ARHGAP18: variants seen among roughly 807,000 people sequenced by gnomAD.
The protein encoded by ARHGAP18 is Rho GTPase activating protein 18.
ARHGAP18 carries 67 observed loss-of-function variants against 86.2 expected under a neutral mutation model. The ratio of observed to expected loss-of-function variants is 0.78; its 90% CI spans 0.64 to 0.95. ARHGAP18 has a LOEUF of 0.95. Ranked by LOEUF, ARHGAP18 falls within the 40% of genes least tolerant of loss-of-function variation. The pLI is 0.00. For missense variants in ARHGAP18, 691 were observed against 780.4 expected, an observed-to-expected ratio of 0.89 and a Z score of 1.37; for synonymous variants, 283 against 280.4, an observed-to-expected ratio of 1.01 and a Z score of -0.09.
At chr6:129,645,503 C>G (rs1773559866) in intron 1 of ARHGAP18, among the ~76,000 whole-genome samples, 1 of 152,158 alleles carries the variant, frequency 6.6e-6, no homozygotes, top group Non-Finnish European at 1.5e-5. Flanking sequence ...CAGGCAACTA[C>G]CAGTGACCCC....
chr6:129,608,160 TAGACA>T (rs1431824075), intron 8 of ARHGAP18, 108 bp from the exon 9 acceptor site: 7 of 1,304,228 alleles, frequency 5.4e-6, no homozygotes, highest in African/African-American at 4.5e-5. Flanking sequence ...CTCTGCTCTT[TAGACA>T]AGACAAATCA....
intron 10 of ARHGAP18, among the ~76,000 whole-genome samples, chr6:129,605,370 T>C (rs1451739207): frequency 1.3e-5 from 2 of 152,184 alleles, no homozygotes; most frequent in Non-Finnish European, 2.9e-5. Context: ...TTGTTTGAGT[T>C]GGTCTATCTT....
chr6:129,707,089 C>G (rs1481022662), intron 1 of ARHGAP18, among the ~76,000 whole-genome samples: 1 of 151,376 alleles, frequency 6.6e-6, no homozygotes, highest in Non-Finnish European at 1.5e-5. Context: ...CAAAATTAGC[C>G]AGGCGTGGTG....
At chr6:129,667,541 G>T (rs1774065269) in intron 1 of ARHGAP18, among the ~76,000 whole-genome samples, 1 of 148,236 alleles carries the variant, frequency 6.7e-6, no homozygotes. Context: ...TATATCTTTA[G>T]ATTCACGGGT....
At chr6:129,635,653 T>G (rs894375919) in intron 3 of ARHGAP18, among the ~76,000 whole-genome samples, 1 of 152,194 alleles carries the variant, frequency 6.6e-6, no homozygotes, top group Non-Finnish European at 1.5e-5. Context: ...AAGGCCTTCA[T>G]GAGGAAGCAT....
intron 1 of ARHGAP18, among the ~76,000 whole-genome samples, chr6:129,670,784 A>G (rs1056967654): frequency 1.4e-5 from 2 of 142,350 alleles, no homozygotes; most frequent in Non-Finnish European, 3.0e-5. Context: ...CTGCTCCCCT[A>G]TTCTCACCTG....
rs1341623254 is a variant in ARHGAP18 at position 129,618,894 on chromosome 6, T to C, written c.787-42A>G. On this transcript the variant is annotated intron_variant, in intron 5 of 14. Coordinates refer to ENST00000368149, the MANE Select transcript of ARHGAP18 (RefSeq NM_033515.3). ...TAATATAGTAAAAGCTTACAGTACC[T>C]AACCTCCATTGTAATGCAGGAAGGA... 3 of 1,552,232 alleles carry C rather than the reference T, an allele frequency of 1.9e-6. No homozygotes were observed. In the South Asian group the frequency reaches 3.6e-5, roughly 18 times the overall value.
At chr6:129,688,538 G>C (rs910579074) in intron 1 of ARHGAP18, among the ~76,000 whole-genome samples, 1 of 152,056 alleles carries the variant, frequency 6.6e-6, no homozygotes, top group Non-Finnish European at 1.5e-5. Flanking sequence ...CATGCCTGTA[G>C]TCCCAGCACT....
intron 1 of ARHGAP18, among the ~76,000 whole-genome samples, chr6:129,699,671 C>A (rs1774679414): frequency 6.6e-6 from 1 of 152,166 alleles, no homozygotes; most frequent in African/African-American, 2.4e-5. Context: ...TATTTCTCCC[C>A]TAGGAAAAAT....
At chr6:129,603,679 T>C (rs759424320) in intron 10 of ARHGAP18, among the ~76,000 whole-genome samples, 30 of 152,218 alleles carry the variant, frequency 2.0e-4, no homozygotes, top group South Asian at 6.2e-4. Flanking sequence ...TCAAGAATTA[T>C]ATTAACATGG....
At chr6:129,649,510 T>A (rs1773656952) in intron 1 of ARHGAP18, among the ~76,000 whole-genome samples, 1 of 131,620 alleles carries the variant, frequency 7.6e-6, no homozygotes, top group Non-Finnish European at 1.5e-5. Flanking sequence ...GCCAAGATCA[T>A]GCCACTGCAC....
At chr6:129,589,123 A>G (rs536371734) in intron 12 of ARHGAP18, among the ~76,000 whole-genome samples, 1 of 151,982 alleles carries the variant, frequency 6.6e-6, no homozygotes, top group African/African-American at 2.4e-5. Context: ...CATTTTTCCC[A>G]TTGTCTTGGT....
At chr6:129,627,681 G>C (rs973699499) in intron 5 of ARHGAP18, among the ~76,000 whole-genome samples, 1 of 151,746 alleles carries the variant, frequency 6.6e-6, no homozygotes. Context: ...GAAAGAGAGA[G>C]AGGGAGAGAG....
At chr6:129,613,910 A>C (rs1789036031) in intron 7 of ARHGAP18, among the ~76,000 whole-genome samples, 2 of 152,188 alleles carry the variant, frequency 1.3e-5, no homozygotes, top group South Asian at 4.1e-4. Flanking sequence ...AATATATATT[A>C]CATACTTATG....
chr6:129,695,708 G>C (rs1048892336), intron 1 of ARHGAP18, among the ~76,000 whole-genome samples: 2 of 152,122 alleles, frequency 1.3e-5, no homozygotes, highest in African/African-American at 4.8e-5. Flanking sequence ...CATTTCTACA[G>C]ACAAATGATT....
At chr6:129,690,150 G>T (rs1170519858) in intron 1 of ARHGAP18, among the ~76,000 whole-genome samples, 1 of 149,194 alleles carries the variant, frequency 6.7e-6, no homozygotes, top group Non-Finnish European at 1.5e-5. Context: ...TGTGTATGTG[G>T]TGTGTGTGTA....
chr6:129,617,504 T>C (rs1251942759), intron 6 of ARHGAP18, among the ~76,000 whole-genome samples: 1 of 152,126 alleles, frequency 6.6e-6, no homozygotes, highest in African/African-American at 2.4e-5. Flanking sequence ...GTCTAGGGTA[T>C]AACATAAAAT....
chr6:129,617,262 C>T (rs993725206), intron 6 of ARHGAP18, among the ~76,000 whole-genome samples: 21 of 152,182 alleles, frequency 1.4e-4, no homozygotes, highest in African/African-American at 4.6e-4. Flanking sequence ...CTGCCCCCAT[C>T]ACTGAGTGGA....
At chr6:129,634,190 T>G in intron 3 of ARHGAP18, 85 bp from the exon 4 acceptor site, 1 of 1,185,404 alleles carries the variant, frequency 8.4e-7, no homozygotes, top group East Asian at 2.3e-5. Flanking sequence ...TATTAATCTT[T>G]AGAGTACAAG....
Sources: gnomAD v4.1 joint callset for allele counts (sites outside exome capture counted in the v4.1 genomes callset) on GRCh38, gnomAD v4.1.1 for gene constraint, MANE v1.5 for transcripts, NCBI Gene and HGNC (gene_info 2026-07-23, HGNC 2026-07-21) for gene names.